Variants in CR1 observed in about 807,000 individuals in gnomAD.
The protein encoded by CR1 is complement receptor type 1.
A neutral mutation model predicts 187.3 loss-of-function variants in CR1; 116 were observed. The ratio of observed to expected loss-of-function variants is 0.62; its 90% CI spans 0.53 to 0.72. The LOEUF (loss-of-function observed/expected upper bound fraction) is 0.72. Among genes scored for constraint, CR1 ranks in the 30% least tolerant of loss-of-function variants. CR1 has a pLI of 0.00. For synonymous variants in CR1, 576 were observed against 747.1 expected (o/e 0.77, Z 3.73); for missense variants, 1,731 against 2,110.7 (o/e 0.82, Z 3.52).
At chr1:207,501,725 T>C (rs1234576735) in intron 1 of CR1, among the ~76,000 whole-genome samples, 1 of 152,362 alleles carries the variant, frequency 6.6e-6, no homozygotes, top group Admixed American at 6.5e-5. Context: ...TTCCTTCCTC[T>C]CGTTGCAAGC....
rs752881313 is a variant in CR1, at chr1:207,523,816, G to T, written c.693G>T (p.Gln231His). ...GCATCTGGAGCGGCCCCGCCCCTCA[G>T]TGCATTATACCTAACAAATGCACGC... ...QVGIWSGPAPQCIIPNKCTPP... is the reference protein window; with the variant it reads ...QVGIWSGPAPHCIIPNKCTPP... Residue 231 changes from glutamine to histidine, a missense_variant, in exon 5 of 47, where the codon CAG (glutamine) becomes CAT (histidine). Around this residue, in one of 5 missense-constraint regions of CR1, gnomAD observed 131 missense variants for 196.8 expected, o/e 0.67. Coordinates refer to ENST00000367049, the MANE Select transcript of CR1 (RefSeq NM_000651.6). 6.2e-7 allele frequency: 1 copy of T among 1,611,864 alleles called. No individual in the cohort carries two copies. Among genetic ancestry groups the T allele is most frequent in the Non-Finnish European group, 8.5e-7 (1 of 1,179,718 alleles).
chr1:207,580,626 C>T lies in CR1; in HGVS notation c.5216+13C>T. 2 of 1,604,848 alleles carry T rather than the reference C, an allele frequency of 1.2e-6. No homozygotes were observed. Among genetic ancestry groups the T allele is most frequent in the Non-Finnish European group, 1.7e-6 (2 of 1,173,570 alleles). ...TCTGTGATGAAGGGTAAGTGTGACCCAGAATTCAGATCAGGGACTCAGCAC... is the reference window on the plus strand; with the variant it reads ...TCTGTGATGAAGGGTAAGTGTGACCTAGAATTCAGATCAGGGACTCAGCAC... On this transcript the variant is annotated intron_variant, in intron 31 of 46. Coordinates refer to ENST00000367049, the MANE Select transcript of CR1 (RefSeq NM_000651.6).
Position 207,619,865 on chromosome 1 carries a change from T to A in CR1, c.7067-15T>A, listed in dbSNP as rs769474445. 1 of 1,553,400 alleles carries A rather than the reference T, an allele frequency of 6.4e-7. No homozygotes were observed. Among genetic ancestry groups the A allele is most frequent in the South Asian group, 1.2e-5 (1 of 82,934 alleles). Reference sequence around the variant, plus strand: ...CAATAAAATATCAATTTCTTTCTGATTTGTCTAATTTCAGAAGTAAATTGT... The same window carrying A: ...CAATAAAATATCAATTTCTTTCTGAATTGTCTAATTTCAGAAGTAAATTGT... On this transcript the variant is annotated splice_polypyrimidine_tract_variant and intron_variant, in intron 42 of 46. Coordinates refer to ENST00000367049, the MANE Select transcript of CR1 (RefSeq NM_000651.6).
chr1:207,511,632 T>A lies in CR1; in HGVS notation c.465T>A (p.Asp155Glu). Residue 155 changes from aspartate to glutamate, a missense_variant, in exon 4 of 47, where the codon GAT becomes GAA. Asp to Glu is a conservative substitution (Grantham distance 45). This residue lies in a region of CR1 where 237 missense variants were observed against 240.4 expected (regional missense o/e 0.99). Transcript: ENST00000367049. ...CIISGDTVIWDNETPICDRIP... is the reference protein window; with the variant it reads ...CIISGDTVIWENETPICDRIP... ...TCTCAGGTGATACTGTCATTTGGGA[T>A]AATGAAACACCTATTTGTGACAGTG... 6.2e-7 allele frequency: 1 copy of A among 1,613,292 alleles called. No individual in the cohort carries two copies. Among genetic ancestry groups the A allele is most frequent in the South Asian group, 1.1e-5 (1 of 91,062 alleles).
intron 40 of CR1, among the ~76,000 whole-genome samples, chr1:207,616,332 T>G (rs1430348912): frequency 6.6e-6 from 1 of 152,364 alleles, no homozygotes; most frequent in East Asian, 1.9e-4. Flanking sequence ...AAATTCATTG[T>G]GAACATAGGT....
In CR1 at chr1:207,578,208, G is replaced by A. The variant is rs1243650293; in HGVS notation, c.4936+5G>A. ...AGTTACCAAGCTGCTCCAGGGGTGA[G>A]TCTGACTGATGCCTAGAAGGGCCCT... On this transcript the variant is annotated splice_donor_5th_base_variant and intron_variant, in intron 29 of 46. Transcript: ENST00000367049. 5 of 1,611,846 alleles carry A rather than the reference G, an allele frequency of 3.1e-6. No homozygotes were observed. Among genetic ancestry groups the A allele is most frequent in the Non-Finnish European group, 4.2e-6 (5 of 1,179,720 alleles).
chr1:207,599,975 A>G (rs1447339469), intron 35 of CR1, among the ~76,000 whole-genome samples: 2 of 152,232 alleles, frequency 1.3e-5, no homozygotes, highest in African/African-American at 4.8e-5. Context: ...TGAAACATAG[A>G]TTGTTTTGAG....
At position 207,499,173 on chromosome 1, in the gene CR1, C is replaced by T. The variant is rs554147259; in HGVS notation, c.121+2785C>T. Among the ~76,000 whole-genome samples, 6 of 152,110 alleles carry T rather than the reference C, an allele frequency of 3.9e-5. 1 individual carries two copies. In the South Asian group the frequency reaches 1.2e-3, roughly 32 times the overall value. On this transcript the variant is annotated intron_variant, in intron 1 of 46. Transcript: ENST00000367049. ...GAAAAGTAAATGGATAAAGATATAC[C>T]ATGCTAATGCTAGTCACAGAAAGCA... is the stretch of plus-strand genomic sequence containing the variant.
At chr1:207,595,164 A>C (rs1315358880) in intron 35 of CR1, among the ~76,000 whole-genome samples, 1 of 151,854 alleles carries the variant, frequency 6.6e-6, no homozygotes, top group Non-Finnish European at 1.5e-5. Context: ...AAAACACCAA[A>C]GGGATAATGA....
chr1:207,622,867 T>G, intron 44 of CR1, 126 bp from the exon 45 acceptor site: 1 of 655,400 alleles, frequency 1.5e-6, no homozygotes, highest in Non-Finnish European at 2.6e-6. Context: ...TAAAGCAGAA[T>G]GTATAGTTAC....
Position 207,630,510 on chromosome 1 carries a change from C to T in CR1, c.7353-7C>T, listed in dbSNP as rs1291579364. The T allele has an allele frequency of 6.4e-7, 1 of 1,555,344 alleles. No homozygotes were observed. The highest frequency in any genetic ancestry group is 2.3e-5 in the East Asian group (1 of 44,052). On this transcript the variant is annotated splice_region_variant and splice_polypyrimidine_tract_variant and intron_variant, in intron 45 of 46. Coordinates refer to ENST00000367049, the MANE Select transcript of CR1 (RefSeq NM_000651.6). ...ACAGTTTTTCTATTTTTTTCTCTGC[C>T]AATTAGCAATAATGCACATGAAAAC...
intron 35 of CR1, among the ~76,000 whole-genome samples, chr1:207,589,004 T>C (rs1178110269): frequency 6.6e-6 from 1 of 152,204 alleles, no homozygotes. Context: ...CATGTTCCTG[T>C]CAAAGGTGGT....
At chr1:207,502,051 T>A (rs1326255335) in intron 1 of CR1, among the ~76,000 whole-genome samples, 1 of 152,206 alleles carries the variant, frequency 6.6e-6, no homozygotes, top group Non-Finnish European at 1.5e-5. Context: ...CTTGGATTCT[T>A]GATTTTTTTG....
chr1:207,617,577 G>GTGTA (rs1558271573), intron 41 of CR1, among the ~76,000 whole-genome samples: 8 of 47,184 alleles, frequency 1.7e-4, no homozygotes, highest in African/African-American at 6.2e-4. Flanking sequence ...ATGTGTGTGT[G>GTGTA]TATATATATA....
chr1:207,565,881 G>C lies in CR1; in HGVS notation c.3910G>C (p.Gly1304Arg), dbSNP rs1413770280. The C allele has an allele frequency of 2.5e-6, 4 of 1,610,832 alleles. No homozygotes were observed. In the African/African-American group the frequency reaches 5.5e-5, roughly 22 times the overall value. ...GSSASYCVLA[G>R]MESLWNSSVP... ...CTCTGCTAGTTATTGTGTCTTGGCT[G>C]GAATGGAAAGCCTTTGGAATAGCAG... Residue 1304 changes from glycine to arginine, a missense_variant, in exon 24 of 47, where the codon GGA (glycine) becomes CGA (arginine). Physicochemically the swap from Gly to Arg is moderately radical, Grantham distance 125. This residue lies in a region of CR1 where 1,312 missense variants were observed against 1,379.6 expected (regional missense o/e 0.95). Coordinates refer to ENST00000367049, the MANE Select transcript of CR1 (RefSeq NM_000651.6).
chr1:207,499,708 A>G (rs1659206983), intron 1 of CR1, among the ~76,000 whole-genome samples: 2 of 152,210 alleles, frequency 1.3e-5, no homozygotes, highest in South Asian at 2.1e-4. Flanking sequence ...TGGTCCTCAT[A>G]TAGGATCTGG....
chr1:207,584,170 A>G (rs12034598), intron 32 of CR1, among the ~76,000 whole-genome samples: 29,021 of 152,098 alleles, frequency 0.19, 3,070 homozygotes, highest in South Asian at 0.43. Context: ...CATCAAGAAA[A>G]ATTAAATCAC....
intron 45 of CR1, among the ~76,000 whole-genome samples, chr1:207,624,993 C>G (rs1662436742): frequency 6.6e-6 from 1 of 152,134 alleles, no homozygotes; most frequent in Non-Finnish European, 1.5e-5. Flanking sequence ...ACCCTTCTAA[C>G]TATGTCATTC....
At chr1:207,623,585 AAAACACACACACACACACACAC>A (rs1662383923) in intron 45 of CR1, among the ~76,000 whole-genome samples, 2 of 132,082 alleles carry the variant, frequency 1.5e-5, no homozygotes, top group Admixed American at 8.2e-5. Flanking sequence ...ACTACATCTC[AAAACACACACACACACACACAC>A]ACACACACAC....
Sources: gnomAD v4.1 joint callset for allele counts (sites outside exome capture counted in the v4.1 genomes callset) on GRCh38, gnomAD v4.1.1 for gene constraint, gnomAD v4.1.1 regional missense constraint, MANE v1.5 for transcripts, NCBI Gene and HGNC (gene_info 2026-07-23, HGNC 2026-07-21) for gene names.